Variants in NUP188 observed in about 807,000 individuals in gnomAD.
The protein encoded by NUP188 is nucleoporin 188, also known as nucleoporin NUP188.
NUP188 carries 97 observed loss-of-function variants against 223.0 expected under a neutral mutation model. The ratio of observed to expected loss-of-function variants is 0.43; its 90% CI spans 0.37 to 0.51. NUP188 has a LOEUF of 0.51. NUP188 is among the 20% of genes least tolerant of loss of function. The pLI, the probability that NUP188 is intolerant of heterozygous loss-of-function variation, is 0.00. For synonymous variants in NUP188, 869 were observed against 828.0 expected (o/e 1.05, Z -0.85); for missense variants, 1,947 against 2,175.6 (o/e 0.89, Z 2.09).
At chr9:128,983,401 A>G (rs948263824) in intron 18 of NUP188, 21 bp downstream of exon 18, 2 of 1,613,762 alleles carry the variant, frequency 1.2e-6, no homozygotes, top group Non-Finnish European at 1.7e-6. Flanking sequence ...AGATCTTCCC[A>G]AGAGCCAAAA....
intron 2 of NUP188, among the ~76,000 whole-genome samples, chr9:128,950,261 G>A (rs368739007): frequency 6.6e-6 from 1 of 151,488 alleles, no homozygotes; most frequent in East Asian, 2.0e-4. Context: ...TCTGGCTCTC[G>A]CCCAGGTTGG....
intron 2 of NUP188, among the ~76,000 whole-genome samples, chr9:128,950,300 C>T (rs531450214): frequency 6.6e-6 from 1 of 152,222 alleles, no homozygotes; most frequent in Non-Finnish European, 1.5e-5. Context: ...TGGCTCACTG[C>T]AACCTCTGTC....
chr9:128,953,752 G>A (rs1841828358), intron 3 of NUP188, among the ~76,000 whole-genome samples: 2 of 152,024 alleles, frequency 1.3e-5, no homozygotes, highest in Admixed American at 1.3e-4. Context: ...GGCACAAAGA[G>A]GTTAAGCAAC....
Position 129,006,492 on chromosome 9 carries a change from T to C in NUP188, c.5074-10T>C, listed in dbSNP as rs1588300050. On this transcript the variant is annotated splice_polypyrimidine_tract_variant and intron_variant, in intron 43 of 43. Coordinates refer to ENST00000372577, the MANE Select transcript of NUP188 (RefSeq NM_015354.3). ...TGCTGAGCCTCACCAAGCCACTTTT[T>C]TTCTTGTAGAGCACGCTGCTGTCCA... The C allele has an allele frequency of 1.9e-6, 3 of 1,612,012 alleles. No homozygotes were observed. The highest frequency in any genetic ancestry group is 2.2e-5 in the East Asian group (1 of 44,872).
intron 2 of NUP188, among the ~76,000 whole-genome samples, chr9:128,952,305 A>G (rs536376678): frequency 6.6e-6 from 1 of 150,916 alleles, no homozygotes; most frequent in East Asian, 2.0e-4. Flanking sequence ...AGGCTGAGGT[A>G]GGAGAATTGC....
In NUP188 at chr9:128,956,453, T is replaced by G. The variant is rs1389358064; in HGVS notation, c.246+19T>G. ...GTTTTTGGTGAGTAAAAATTAGCAC[T>G]CGCTCAATTTATTACTTGCAGTGTG... On this transcript the variant is annotated intron_variant, in intron 4 of 43. Transcript: ENST00000372577. 7.3e-7 allele frequency: 1 copy of G among 1,368,828 alleles called. No individual in the cohort carries two copies. Among genetic ancestry groups the G allele is most frequent in the Admixed American group, 2.1e-5 (1 of 48,642 alleles). The allele number at this position is 1,368,828 out of a possible 1,614,324, so 84.8% of individuals were successfully genotyped here. A position where few individuals can be genotyped will look rare whatever the true frequency, so the allele number is the denominator to read the frequency against.
rs886712042 is a variant in NUP188 at position 129,006,922 on chromosome 9, G to C, written c.*244G>C. Reference sequence around the variant, plus strand: ...GTCCTCACGCTGCAGACGCCCCCTAGAGGAACTTTCCTTCCTTTCCAGCAT... The same window carrying C: ...GTCCTCACGCTGCAGACGCCCCCTACAGGAACTTTCCTTCCTTTCCAGCAT... On this transcript the variant is annotated 3_prime_UTR_variant, in exon 44 of 44. Coordinates refer to ENST00000372577, the MANE Select transcript of NUP188 (RefSeq NM_015354.3). 2.4e-6 allele frequency: 1 copy of C among 417,670 alleles called. No homozygotes were observed. 25.9% of individuals were successfully genotyped at this position (417,670 alleles called of 1,614,324 possible).
intron 11 of NUP188, 26 bp from the exon 12 acceptor site, chr9:128,973,134 A>T: frequency 6.7e-7 from 1 of 1,495,836 alleles, no homozygotes; most frequent in Non-Finnish European, 9.3e-7. Flanking sequence ...ACTCAGAATG[A>T]TTCACTGACT....
Position 128,952,764 on chromosome 9 carries a change from C to A in NUP188, c.88-9C>A, listed in dbSNP as rs1214948769. 6.2e-7 allele frequency: 1 copy of A among 1,604,836 alleles called. No homozygotes were observed. The highest frequency in any genetic ancestry group is 1.1e-5 in the South Asian group (1 of 90,240). On this transcript the variant is annotated splice_polypyrimidine_tract_variant and intron_variant, in intron 2 of 43. Coordinates refer to ENST00000372577, the MANE Select transcript of NUP188 (RefSeq NM_015354.3). ...ACTGCATTTGTATAATTACCTTGTT[C>A]TTTTCCAGAGTCAGATTGAGGCAGA...
intron 17 of NUP188, 86 bp from the exon 18 acceptor site, chr9:128,983,207 T>A: frequency 2.9e-6 from 4 of 1,397,520 alleles, no homozygotes; most frequent in Non-Finnish European, 4.1e-6. Flanking sequence ...GGGGAGAGAC[T>A]GGGGAGAGAG....
At chr9:128,953,751 A>G (rs573328012) in intron 3 of NUP188, among the ~76,000 whole-genome samples, 5 of 152,086 alleles carry the variant, frequency 3.3e-5, no homozygotes, top group Non-Finnish European at 7.4e-5. Context: ...AGGCACAAAG[A>G]GGTTAAGCAA....
chr9:128,960,310 A>G (rs185800355), intron 8 of NUP188, among the ~76,000 whole-genome samples: 1,613 of 151,566 alleles, frequency 0.011, 67 homozygotes, highest in Admixed American at 0.07. Flanking sequence ...GATGGTCTCT[A>G]TCTCCCCGCC....
chr9:128,990,122 G>A lies in NUP188; in HGVS notation c.2536G>A (p.Ala846Thr), dbSNP rs779077357. The A allele has an allele frequency of 3.1e-6, 5 of 1,610,182 alleles. No homozygotes were observed. The highest frequency in any genetic ancestry group is 3.4e-6 in the Non-Finnish European group (4 of 1,176,552). ...AACTGTTTCCTGTGCTGCTTTAGGT[G>A]CTCATGGAAACAACCTCATTGCTGT... ...PLEQALSQHGAHGNNLIAVLA... is the reference protein window; with the variant it reads ...PLEQALSQHGTHGNNLIAVLA... Residue 846 changes from alanine to threonine, a missense_variant and splice_region_variant, in exon 25 of 44, where the codon GCT becomes ACT. Transcript: ENST00000372577.
chr9:129,001,272 G>C (rs1210920520), intron 34 of NUP188, among the ~76,000 whole-genome samples: 1 of 152,088 alleles, frequency 6.6e-6, no homozygotes, highest in Non-Finnish European at 1.5e-5. Flanking sequence ...CAGTGTGGGA[G>C]GTGGGAGGGA....
At chr9:128,986,909 C>G in intron 22 of NUP188, 34 bp downstream of exon 22, 1 of 1,593,598 alleles carries the variant, frequency 6.3e-7, no homozygotes, top group Non-Finnish European at 8.6e-7. Context: ...GCTTGGTGCT[C>G]GCCAAGGCAA....
chr9:129,006,471 G>A (rs1489570520), intron 43 of NUP188, 31 bp from the exon 44 acceptor site: 12 of 1,611,798 alleles, frequency 7.4e-6, no homozygotes, highest in Non-Finnish European at 9.3e-6. Context: ...CAGATGTGCT[G>A]AGCCTCACCA....
chr9:129,003,230 A>C, intron 37 of NUP188, 87 bp from the exon 38 acceptor site: 1 of 1,469,890 alleles, frequency 6.8e-7, no homozygotes, highest in Non-Finnish European at 9.2e-7. Context: ...GGGGCCTGGG[A>C]CGTTGCCTCT....
In NUP188 at chr9:128,983,105, ACACAT is replaced by A; in HGVS notation, c.1796+78_1796+82del. The A allele has an allele frequency of 5.1e-6, 8 of 1,571,114 alleles. No homozygotes were observed. The South Asian group carries it at 9.1e-5, about 18-fold the overall frequency. On this transcript the variant is annotated intron_variant, in intron 17 of 43. Transcript: ENST00000372577. ...GTGCCCTCAGTTTGCAGGAACCTGG[ACACAT>A]ACCCACTGGGTTAAAGTTCGCGCAT...
At chr9:129,002,143 T>G (rs1163753144) in intron 36 of NUP188, among the ~76,000 whole-genome samples, 167 bp downstream of exon 36, 4 of 152,220 alleles carry the variant, frequency 2.6e-5, no homozygotes. Flanking sequence ...CAAGAGAAAC[T>G]CACCACTAAA....
Sources: allele counts gnomAD v4.1 joint callset (sites outside exome capture counted in the v4.1 genomes callset), GRCh38; gene constraint gnomAD v4.1.1; transcripts MANE v1.5; gene names NCBI Gene and HGNC (gene_info 2026-07-23, HGNC 2026-07-21).